Variants in CCDC180 observed in about 807,000 individuals in gnomAD.
The protein encoded by CCDC180 is coiled-coil domain-containing protein 180.
Under a neutral mutation model 209.2 loss-of-function variants are expected in CCDC180, and 154 were observed. That is an observed-to-expected ratio of 0.74 (90% CI 0.65 to 0.84). CCDC180 has a LOEUF of 0.84. Ranked by LOEUF, CCDC180 falls within the 40% of genes least tolerant of loss-of-function variation. The probability of loss-of-function intolerance (pLI) is 0.00; values close to 1 mark genes in which losing one functional copy is unlikely to be tolerated. For synonymous variants in CCDC180, 778 were observed against 749.1 expected (o/e 1.04, Z -0.63); for missense variants, 1,874 against 1,997.3 (o/e 0.94, Z 1.18).
chr9:97,340,438 A>G (rs1826042962), intron 18 of CCDC180, among the ~76,000 whole-genome samples: 1 of 152,264 alleles, frequency 6.6e-6, no homozygotes. Flanking sequence ...GTATAATAAA[A>G]TATAAAACAA....
chr9:97,343,555 T>G lies in CCDC180; in HGVS notation c.2490T>G (p.Ile830Met), dbSNP rs1029849819. 1 of 1,608,248 alleles carries G rather than the reference T, an allele frequency of 6.2e-7. No individual in the cohort carries two copies. Among genetic ancestry groups the G allele is most frequent in the African/African-American group, 1.3e-5 (1 of 74,646 alleles). Residue 830 changes from isoleucine (I) to methionine (M), a missense_variant, in exon 19 of 37, where the codon ATT becomes ATG. Transcript: ENST00000529487. ...TTCCATCGAGACTAATTTTAGAAAT[T>G]AAGAAACAGTGAGTAAAAAACTATT... ...VTIPSRLILE[I>M]KKQLRAGFFE... is the part of the protein sequence containing the mutation.
chr9:97,336,379 A>G (rs1825904663), intron 18 of CCDC180, among the ~76,000 whole-genome samples: 1 of 152,190 alleles, frequency 6.6e-6, no homozygotes, highest in South Asian at 2.1e-4. Flanking sequence ...CTTTCTACAT[A>G]TGGCTAGCCA....
At chr9:97,343,299 T>C (rs746289576) in intron 18 of CCDC180, 41 bp from the exon 19 acceptor site, 136 of 1,353,376 alleles carry the variant, frequency 1.0e-4, no homozygotes, top group Non-Finnish European at 1.4e-4. Flanking sequence ...CCAAGTCCAT[T>C]TGATGATATC....
In CCDC180 at chr9:97,364,114, T is replaced by TC; in HGVS notation, c.3971dup (p.Ala1325CysfsTer6). On this transcript the variant is annotated frameshift_variant, in exon 29 of 37. Transcript: ENST00000529487. LOFTEE classifies it high-confidence loss of function. The stretch of plus-strand genomic sequence containing the variant: ...AGTACCGGGTGCTTGGGGACAAGCC[T>TC]CCCCCTGCTGCCGAGTGAGTAACAA... The TC allele has an allele frequency of 6.2e-7, 1 of 1,613,752 alleles. No individual in the cohort carries two copies. The highest frequency in any genetic ancestry group is 8.5e-7 in the Non-Finnish European group (1 of 1,179,880).
At position 97,313,279 on chromosome 9, in the gene CCDC180, A is replaced by G. The variant is rs1306115866; in HGVS notation, c.393A>G (p.Glu131=). 6.2e-7 allele frequency: 1 copy of G among 1,612,512 alleles called. No homozygotes were observed. The stretch of plus-strand genomic sequence containing the variant: ...CCAGCACCTTTCAAAGGCAAGCAGA[A>G]CACAAGAGGAAGAGCTACGAGAGCG... ...ISTSTFQRQA[E]HKRKSYESAL... The change falls in exon 5 of 37, where the codon GAA becomes GAG. Residue 131 remains glutamate (E), a synonymous_variant. Coordinates refer to ENST00000529487, the MANE Select transcript of CCDC180 (RefSeq NM_020893.6).
At position 97,364,115 on chromosome 9, in the gene CCDC180, C is replaced by T; in HGVS notation, c.3967C>T (p.Pro1323Ser). ...RKYRVLGDKP[P>S]PAAEDFKGII... ...GTACCGGGTGCTTGGGGACAAGCCT[C>T]CCCCTGCTGCCGAGTGAGTAACAAC... The change falls in exon 29 of 37, where the codon CCC becomes TCC. Residue 1323 changes from proline (P) to serine (S), a missense_variant. Physicochemically the swap from Pro to Ser is moderately conservative, Grantham distance 74. Coordinates refer to ENST00000529487, the MANE Select transcript of CCDC180 (RefSeq NM_020893.6). The T allele has an allele frequency of 6.2e-7, 1 of 1,614,014 alleles. No individual in the cohort carries two copies. The highest frequency in any genetic ancestry group is 1.3e-5 in the African/African-American group (1 of 75,018).
Position 97,323,918 on chromosome 9 carries a change from C to G in CCDC180, c.1371+15C>G. On this transcript the variant is annotated intron_variant, in intron 13 of 36. Coordinates refer to ENST00000529487, the MANE Select transcript of CCDC180 (RefSeq NM_020893.6). Reference sequence around the variant, plus strand: ...AGCTCTTGGACGTGCGTGCTGGGGACTGTTCCACTGGGGAGCTGAGGTGGG... The same window carrying G: ...AGCTCTTGGACGTGCGTGCTGGGGAGTGTTCCACTGGGGAGCTGAGGTGGG... 1 of 1,551,432 alleles carries G rather than the reference C, an allele frequency of 6.4e-7. No homozygotes were observed. The highest frequency in any genetic ancestry group is 8.7e-7 in the Non-Finnish European group (1 of 1,147,222).
intron 2 of CCDC180, among the ~76,000 whole-genome samples, chr9:97,308,333 CTT>C (rs1310809224): frequency 6.6e-6 from 1 of 152,168 alleles, no homozygotes; most frequent in Non-Finnish European, 1.5e-5. Context: ...AATTAGAAAA[CTT>C]AAATTAAAAT....
At position 97,349,185 on chromosome 9, in the gene CCDC180, C is replaced by A. The variant is rs961951708; in HGVS notation, c.2749C>A (p.Leu917Met). The change falls in exon 21 of 37, where the codon CTG (leucine) becomes ATG (methionine). Residue 917 changes from leucine to methionine, a missense_variant. Transcript: ENST00000529487. ...GACCGAGACGCTGAAGAAGAAGCGG[C>A]TGATGTTCTGCCAGTTCCAAGAAGA... ...GVTETLKKKR[L>M]MFCQFQEEQN... The A allele has an allele frequency of 2.6e-6, 4 of 1,536,326 alleles. No homozygotes were observed. The African/African-American group carries it at 4.1e-5, about 16-fold the overall frequency.
At chr9:97,371,357 TTCTGTGAATTG>T in intron 33 of CCDC180, 1 of 358,170 alleles carries the variant, frequency 2.8e-6, no homozygotes, top group East Asian at 4.1e-5. Flanking sequence ...TTATTTCCTC[TTCTGTGAATTG>T]TCTGTGTGTG....
intron 27 of CCDC180, 77 bp downstream of exon 27, chr9:97,361,975 G>A: frequency 2.0e-6 from 3 of 1,526,974 alleles, no homozygotes; most frequent in Non-Finnish European, 2.7e-6. Context: ...CAGCTTTGGG[G>A]CCCCACACAC....
rs1833102973 is a variant in CCDC180 at position 97,314,685 on chromosome 9, T to C, written c.656T>C (p.Leu219Pro). The C allele has an allele frequency of 1.2e-6, 2 of 1,614,040 alleles. No homozygotes were observed. The highest frequency in any genetic ancestry group is 1.3e-5 in the African/African-American group (1 of 75,040). The stretch of plus-strand genomic sequence containing the variant: ...CTCCGGAAGCAGGAGATTAAGGAGC[T>C]GGATGAGGCCCTGCACTCGCTGGAG... ...LLLRKQEIKE[L>P]DEALHSLEFS... is the part of the protein sequence containing the mutation. The change falls in exon 7 of 37, where the codon CTG (leucine) becomes CCG (proline). Residue 219 changes from leucine to proline, a missense_variant. By Grantham distance (98) the Leu-to-Pro change is moderately conservative. Coordinates refer to ENST00000529487, the MANE Select transcript of CCDC180 (RefSeq NM_020893.6).
At position 97,375,509 on chromosome 9, in the gene CCDC180, C is replaced by T; in HGVS notation, c.4762C>T (p.Gln1588Ter). ...EVTIQNKILL[Q>*]PTSSISTTKT... Reference sequence around the variant, plus strand: ...CACCATCCAAAACAAGATTCTTCTCCAGCCAACATCATCGATTTCCACCAC... The same window carrying T: ...CACCATCCAAAACAAGATTCTTCTCTAGCCAACATCATCGATTTCCACCAC... The change falls in exon 36 of 37, where the codon CAG (glutamine) becomes TAG (stop). Residue 1588 changes from glutamine to a stop codon, truncating the protein, a stop_gained. Transcript: ENST00000529487. LOFTEE classifies it high-confidence loss of function. The T allele has an allele frequency of 6.2e-7, 1 of 1,614,218 alleles. No homozygotes were observed. The highest frequency in any genetic ancestry group is 8.5e-7 in the Non-Finnish European group (1 of 1,180,038).
At chr9:97,354,421 T>G (rs1826507717) in intron 22 of CCDC180, 148 bp from the exon 23 acceptor site, 1 of 767,358 alleles carries the variant, frequency 1.3e-6, no homozygotes, top group Admixed American at 2.7e-5. Context: ...ATCCTACTCC[T>G]GTCCTTAAGC....
In CCDC180 at chr9:97,314,883, C is replaced by A; in HGVS notation, c.732C>A (p.Val244=). The A allele has an allele frequency of 6.2e-7, 1 of 1,614,056 alleles. No homozygotes were observed. The highest frequency in any genetic ancestry group is 1.1e-5 in the South Asian group (1 of 91,066). The change falls in exon 8 of 37, where the codon GTC becomes GTA. Residue 244 remains valine (V), a synonymous_variant. Coordinates refer to ENST00000529487, the MANE Select transcript of CCDC180 (RefSeq NM_020893.6). ...GCGTGTTGAAGAAATATGCAGAAGT[C>A]ATAGAGAAAACTTCCTACCTCATGC... ...LKSVLKKYAE[V]IEKTSYLMRP... is the part of the protein sequence containing the mutation.
At chr9:97,355,303 C>T (rs142153644) in intron 24 of CCDC180, among the ~76,000 whole-genome samples, 31 of 152,082 alleles carry the variant, frequency 2.0e-4, no homozygotes, top group African/African-American at 7.5e-4. Flanking sequence ...TATAGGCACA[C>T]GCCACCATGC....
rs75231710 is a variant in CCDC180 at position 97,365,779 on chromosome 9, C to G, written c.4047+40C>G. On this transcript the variant is annotated intron_variant, in intron 30 of 36. Coordinates refer to ENST00000529487, the MANE Select transcript of CCDC180 (RefSeq NM_020893.6). ...CCATGGCCTGTGCCTGCCCTGGAAA[C>G]CACGCCTGCCTTCTGCAGTCTGCTG... The G allele has an allele frequency of 5.3e-3, 8,366 of 1,574,062 alleles. 211 individuals are homozygous for G. The East Asian group carries it at 0.074, about 14-fold the overall frequency.
chr9:97,330,826 G>A, intron 18 of CCDC180, 59 bp downstream of exon 18: 2 of 1,510,888 alleles, frequency 1.3e-6, no homozygotes, highest in South Asian at 2.5e-5. Context: ...CTCATTTTGT[G>A]TTTATCCCTA....
intron 8 of CCDC180, 33 bp from the exon 9 acceptor site, chr9:97,317,032 C>A: frequency 6.3e-7 from 1 of 1,574,842 alleles, no homozygotes; most frequent in Non-Finnish European, 8.7e-7. Context: ...GAGACCCTGC[C>A]CTGTCTAGAG....
Sources: allele counts gnomAD v4.1 joint callset (sites outside exome capture counted in the v4.1 genomes callset), GRCh38; gene constraint gnomAD v4.1.1; transcripts MANE v1.5; gene names NCBI Gene and HGNC (gene_info 2026-07-23, HGNC 2026-07-21).